The following MAP3K19 variants were observed in gnomAD, a reference collection of about 807,000 sequenced individuals.
MAP3K19 encodes the protein SPS1/STE20-related protein kinase YSK4.
A neutral mutation model predicts 114.4 loss-of-function variants in MAP3K19; 91 were observed. The ratio of observed to expected loss-of-function variants is 0.80; its 90% CI spans 0.67 to 0.95. The LOEUF is 0.95. Ranked by LOEUF, MAP3K19 falls within the 40% of genes least tolerant of loss-of-function variation. The pLI, the probability that MAP3K19 is intolerant of heterozygous loss-of-function variation, is 0.00. For synonymous variants in MAP3K19, 518 were observed against 530.5 expected (o/e 0.98, Z 0.32); for missense variants, 1,471 against 1,573.2 (o/e 0.94, Z 1.10).
In MAP3K19 at chr2:134,981,338, T is replaced by A; in HGVS notation, c.3403A>T (p.Thr1135Ser). ...ACAAACTCCATGAAAATGCTCACAGTGTTCTCTTGCAAGCATGTCCCCAAA... is the reference window on the plus strand; with the variant it reads ...ACAAACTCCATGAAAATGCTCACAGAGTTCTCTTGCAAGCATGTCCCCAAA... ...AYLGTCLQEN[T>S]VSIFMEFVPG... The change falls in exon 12 of 13, where the codon ACT (threonine) becomes TCT (serine). Residue 1135 changes from threonine to serine, a missense_variant. Transcript: ENST00000392915. The A allele has an allele frequency of 6.2e-7, 1 of 1,614,192 alleles. No individual in the cohort carries two copies. Among genetic ancestry groups the A allele is most frequent in the Admixed American group, 1.7e-5 (1 of 60,026 alleles).
intron 4 of MAP3K19, among the ~76,000 whole-genome samples, chr2:135,022,714 T>C (rs1266235742): frequency 6.6e-6 from 1 of 152,180 alleles, no homozygotes; most frequent in Non-Finnish European, 1.5e-5. Context: ...TTCTTTAGTT[T>C]GTAGAAGGGA....
chr2:134,975,993 G>A (rs1268183683), intron 12 of MAP3K19, among the ~76,000 whole-genome samples: 3 of 152,216 alleles, frequency 2.0e-5, no homozygotes, highest in Admixed American at 1.3e-4. Flanking sequence ...TTTGTCCCAG[G>A]AGCAGCCTCC....
At chr2:135,019,587 G>A (rs1046033330) in intron 5 of MAP3K19, among the ~76,000 whole-genome samples, 5 of 152,248 alleles carry the variant, frequency 3.3e-5, no homozygotes, top group Admixed American at 6.5e-5. Flanking sequence ...GGGAGATTGA[G>A]GCTCCAGTGA....
At chr2:134,969,060 A>G (rs1297657243) in intron 12 of MAP3K19, among the ~76,000 whole-genome samples, 1 of 152,204 alleles carries the variant, frequency 6.6e-6, no homozygotes, top group Non-Finnish European at 1.5e-5. Context: ...CCTGGGCACC[A>G]TTGAGCACTG....
chr2:135,004,828 C>G (rs76327309), intron 6 of MAP3K19, among the ~76,000 whole-genome samples: 166 of 152,294 alleles, frequency 1.1e-3, no homozygotes, highest in African/African-American at 3.1e-3. Flanking sequence ...GTCTCGTACA[C>G]TCCCCCACCT....
chr2:134,994,658 A>C (rs1165362908), intron 8 of MAP3K19, among the ~76,000 whole-genome samples: 1 of 152,208 alleles, frequency 6.6e-6, no homozygotes, highest in Non-Finnish European at 1.5e-5. Flanking sequence ...CTCTGGGGAA[A>C]ACTAGCTGAG....
At chr2:135,023,329 T>C (rs1688108179) in intron 4 of MAP3K19, 1 of 436,326 alleles carries the variant, frequency 2.3e-6, no homozygotes, top group African/African-American at 2.0e-5. Context: ...CCACCGCTCC[T>C]CTCTATCTGC....
intron 3 of MAP3K19, among the ~76,000 whole-genome samples, chr2:135,028,782 G>A (rs2104781603): frequency 6.6e-6 from 1 of 152,222 alleles, no homozygotes; most frequent in Non-Finnish European, 1.5e-5. Context: ...TGCCATGTAA[G>A]TATACTCAGT....
At chr2:135,018,776 G>A (rs1687769582) in intron 5 of MAP3K19, among the ~76,000 whole-genome samples, 1 of 152,058 alleles carries the variant, frequency 6.6e-6, no homozygotes, top group Non-Finnish European at 1.5e-5. Flanking sequence ...CCTAAACCTT[G>A]TACTTTGTAA....
chr2:134,968,504 C>A (rs1287866309), intron 12 of MAP3K19, among the ~76,000 whole-genome samples: 3 of 149,106 alleles, frequency 2.0e-5, no homozygotes, highest in Non-Finnish European at 3.0e-5. Flanking sequence ...CCCCCACCTC[C>A]CTCCCGGACG....
At chr2:134,977,598 G>A (rs943312778) in intron 12 of MAP3K19, among the ~76,000 whole-genome samples, 3 of 151,906 alleles carry the variant, frequency 2.0e-5, no homozygotes, top group Non-Finnish European at 2.9e-5. Flanking sequence ...TCCTGACCTC[G>A]TGATCCGCCC....
intron 10 of MAP3K19, among the ~76,000 whole-genome samples, chr2:134,985,155 A>T (rs116007995): frequency 0.01 from 1,558 of 152,360 alleles, 28 homozygotes; most frequent in African/African-American, 0.036. Flanking sequence ...GCCAACTCTC[A>T]TGCCAAACAA....
intron 12 of MAP3K19, among the ~76,000 whole-genome samples, chr2:134,976,356 C>T (rs190700597): frequency 2.6e-4 from 39 of 152,260 alleles, no homozygotes; most frequent in African/African-American, 9.1e-4. Flanking sequence ...GCTAGGATTG[C>T]AGGAGTTCAC....
intron 12 of MAP3K19, among the ~76,000 whole-genome samples, chr2:134,976,873 C>T (rs906079147): frequency 6.6e-6 from 1 of 151,552 alleles, no homozygotes; most frequent in Non-Finnish European, 1.5e-5. Context: ...GGTGAAACCC[C>T]GTCTCTACTA....
intron 9 of MAP3K19, among the ~76,000 whole-genome samples, chr2:134,989,493 A>G (rs1204388921): frequency 6.6e-6 from 1 of 152,178 alleles, no homozygotes; most frequent in African/African-American, 2.4e-5. Context: ...GATTTTCCTC[A>G]TTTCTCAAAA....
intron 12 of MAP3K19, 79 bp downstream of exon 12, chr2:134,980,742 G>T: frequency 7.7e-7 from 1 of 1,301,382 alleles, no homozygotes; most frequent in Non-Finnish European, 1.1e-6. Flanking sequence ...CTTTTAATGG[G>T]CCATAAATTG....
At chr2:134,985,604 G>A (rs1402401598) in intron 10 of MAP3K19, among the ~76,000 whole-genome samples, 196 bp downstream of exon 10, 1 of 152,198 alleles carries the variant, frequency 6.6e-6, no homozygotes, top group East Asian at 1.9e-4. Flanking sequence ...CCAGAAGGGA[G>A]TCAATATAAT....
chr2:135,035,551 T>A (rs1688508238), intron 2 of MAP3K19, among the ~76,000 whole-genome samples: 1 of 152,196 alleles, frequency 6.6e-6, no homozygotes, highest in Admixed American at 6.5e-5. Flanking sequence ...ATCTTCTTTT[T>A]CTGGGGATGA....
chr2:135,042,875 A>G (rs1481085920), intron 1 of MAP3K19, among the ~76,000 whole-genome samples: 1 of 152,158 alleles, frequency 6.6e-6, no homozygotes, highest in Non-Finnish European at 1.5e-5. Context: ...TGAGTTCGGG[A>G]GTTCAAGACC....
Sources: allele counts gnomAD v4.1 joint callset (sites outside exome capture counted in the v4.1 genomes callset), GRCh38; gene constraint gnomAD v4.1.1; transcripts MANE v1.5; gene names NCBI Gene and HGNC (gene_info 2026-07-23, HGNC 2026-07-21).